Variants in KDM4C observed in about 807,000 individuals in gnomAD.
The protein encoded by KDM4C is lysine-specific demethylase 4C.
In KDM4C, 81 loss-of-function variants were observed where a neutral mutation model predicts 129.3. The observed-to-expected ratio is 0.63, with a 90% CI of 0.52 to 0.75. The LOEUF (loss-of-function observed/expected upper bound fraction) is 0.75, where lower values mean the gene tolerates loss of function less well. Ranked by LOEUF, KDM4C falls within the 30% of genes least tolerant of loss-of-function variation. The probability of loss-of-function intolerance (pLI) is 0.00; values close to 1 mark genes in which losing one functional copy is unlikely to be tolerated. For missense variants in KDM4C, 1,457 were observed against 1,304.0 expected (o/e 1.12, Z -1.81); for synonymous variants, 573 against 456.1 (o/e 1.26, Z -3.26).
chr9:6,893,267 A>G, intron 8 of KDM4C, 35 bp downstream of exon 8: 1 of 1,571,200 alleles, frequency 6.4e-7, no homozygotes. Context: ...CAAAAATTAA[A>G]TGTGTATTCT....
chr9:6,836,274 A>G (rs945369472), intron 4 of KDM4C, among the ~76,000 whole-genome samples: 6 of 152,174 alleles, frequency 3.9e-5, no homozygotes, highest in African/African-American at 1.2e-4. Context: ...CAACACGGTG[A>G]AAGCTCATCT....
intron 9 of KDM4C, among the ~76,000 whole-genome samples, chr9:6,983,763 C>CT (rs1456316476): frequency 7.0e-6 from 1 of 143,884 alleles, no homozygotes; most frequent in Non-Finnish European, 1.5e-5. Context: ...ACTTTTAGCA[C>CT]TAGCCTAACA....
At position 6,869,537 on chromosome 9, in the gene KDM4C, G is replaced by C. The variant is rs567734142; in HGVS notation, c.630-10475G>C. 1.1e-4 allele frequency among the ~76,000 whole-genome samples: 16 copies of C among 152,348 alleles called. 1 individual carries two copies. In the South Asian group the frequency reaches 2.3e-3, roughly 22 times the overall value. On this transcript the variant is annotated intron_variant, in intron 5 of 21. Transcript: ENST00000381309. ...TCCAGGAATAATACTGCTCACAGTG[G>C]GGGAGGCAGAACTGGGCAGAAGGGG...
intron 4 of KDM4C, among the ~76,000 whole-genome samples, chr9:6,826,436 TC>T (rs1833882462): frequency 6.6e-6 from 1 of 152,292 alleles, no homozygotes; most frequent in Non-Finnish European, 1.5e-5. Flanking sequence ...TTCCATTTTT[TC>T]TCTATGAATG....
intron 1 of KDM4C, among the ~76,000 whole-genome samples, chr9:6,722,261 G>T (rs1301626611): frequency 6.6e-6 from 1 of 152,160 alleles, no homozygotes; most frequent in African/African-American, 2.4e-5. Flanking sequence ...CCTAAGCAGT[G>T]AATTGGGAGG....
chr9:7,087,601 A>G (rs1460661172), intron 17 of KDM4C, among the ~76,000 whole-genome samples: 1 of 152,222 alleles, frequency 6.6e-6, no homozygotes, highest in Non-Finnish European at 1.5e-5. Context: ...TACAGTGATA[A>G]CTAAAAGAGT....
At position 6,749,769 on chromosome 9, in the gene KDM4C, C is replaced by A. The variant is rs146294844; in HGVS notation, c.49+28772C>A. On this transcript the variant is annotated intron_variant, in intron 1 of 17. Transcript: ENST00000536108. ...TGGGAGGCTGAGGTGGGAGGATCAC[C>A]TTAGGTCAGGAGTTCGAGGCCAGCC... is the stretch of plus-strand genomic sequence containing the variant. Among the ~76,000 whole-genome samples, 90 of 149,700 alleles carry A rather than the reference C, an allele frequency of 6.0e-4. 2 individuals carry two copies. Among genetic ancestry groups the A allele is most frequent in the Middle Eastern group, 3.6e-3 (1 of 280 alleles).
intron 1 of KDM4C, among the ~76,000 whole-genome samples, chr9:6,732,416 G>A (rs1023800365): frequency 1.5e-5 from 2 of 135,626 alleles, no homozygotes; most frequent in Admixed American, 7.7e-5. Flanking sequence ...GAGGCCGGAA[G>A]TTGTGGCTCA....
intron 15 of KDM4C, among the ~76,000 whole-genome samples, chr9:7,020,604 T>C (rs1824626695): frequency 1.3e-5 from 2 of 152,356 alleles, no homozygotes; most frequent in Middle Eastern, 3.4e-3. Context: ...ACTCTTGATA[T>C]TAGTATCTGT....
At chr9:6,877,168 TG>T (rs1489216323) in intron 5 of KDM4C, among the ~76,000 whole-genome samples, 1 of 152,144 alleles carries the variant, frequency 6.6e-6, no homozygotes, top group Non-Finnish European at 1.5e-5. Context: ...GCCTCTGTAA[TG>T]GTATGGAAAC....
chr9:7,041,243 A>G (rs766299703), intron 15 of KDM4C, among the ~76,000 whole-genome samples: 5 of 151,996 alleles, frequency 3.3e-5, no homozygotes, highest in Non-Finnish European at 7.4e-5. Context: ...AACAATTTAC[A>G]TATCTTTTAC....
At position 6,919,661 on chromosome 9, in the gene KDM4C, C is replaced by T. The variant is rs183153164; in HGVS notation, c.921+26429C>T. Among the ~76,000 whole-genome samples the T allele has an allele frequency of 2.4e-3, 365 of 151,650 alleles. 5 individuals carry two copies. Among genetic ancestry groups the T allele is most frequent in the African/African-American group, 8.6e-3 (357 of 41,276 alleles). ...CGCGATCTTGGCTCCCTGCAATCTC[C>T]GCCTCCCGGGTTCAAGTGATTCTCT... On this transcript the variant is annotated intron_variant, in intron 8 of 21. Coordinates refer to ENST00000381309, the MANE Select transcript of KDM4C (RefSeq NM_015061.6).
intron 8 of KDM4C, among the ~76,000 whole-genome samples, chr9:6,952,631 G>A (rs1402083147): frequency 6.6e-6 from 1 of 151,904 alleles, no homozygotes; most frequent in African/African-American, 2.4e-5. Flanking sequence ...AGTAGAGACG[G>A]GGTTTCACTA....
At chr9:6,748,926 T>C (rs773770534) in intron 1 of KDM4C, 4 of 927,504 alleles carry the variant, frequency 4.3e-6, no homozygotes. Context: ...GAAGATGAGG[T>C]TGATGGGCTG....
rs191069658 is a variant in KDM4C, at chr9:6,949,433, C to T, written c.922-31492C>T. ...GCAGAGACGTTCCTCACTTCCCAGA[C>T]GGGGTGGCGGCTGGGCAGAGGCTGT... is the stretch of plus-strand genomic sequence containing the variant. On this transcript the variant is annotated intron_variant, in intron 8 of 21. Coordinates refer to ENST00000381309, the MANE Select transcript of KDM4C (RefSeq NM_015061.6). 5.8e-3 allele frequency among the ~76,000 whole-genome samples: 888 copies of T among 152,110 alleles called. 7 individuals carry two copies. Among genetic ancestry groups the T allele is most frequent in the African/African-American group, 0.02 (838 of 41,508 alleles).
At chr9:7,115,139 T>C (rs185084708) in intron 18 of KDM4C, among the ~76,000 whole-genome samples, 1 of 152,230 alleles carries the variant, frequency 6.6e-6, no homozygotes, top group East Asian at 1.9e-4. Context: ...CACTTGATAC[T>C]TGACAACTTC....
intron 18 of KDM4C, among the ~76,000 whole-genome samples, chr9:7,118,088 C>A (rs1318383359): frequency 1.3e-5 from 2 of 152,170 alleles, no homozygotes; most frequent in African/African-American, 4.8e-5. Context: ...GGGCCACTAC[C>A]TCCGAGGTGA....
intron 12 of KDM4C, among the ~76,000 whole-genome samples, chr9:7,005,269 C>G (rs1422868103): frequency 2.0e-5 from 3 of 152,056 alleles, no homozygotes; most frequent in African/African-American, 2.4e-5. Flanking sequence ...AACCCCATCT[C>G]TACTAAAAAT....
At chr9:6,844,886 C>G (rs1484399849) in intron 4 of KDM4C, among the ~76,000 whole-genome samples, 1 of 152,082 alleles carries the variant, frequency 6.6e-6, no homozygotes, top group African/African-American at 2.4e-5. Flanking sequence ...TGGGGTTTCA[C>G]CATGTTGGTC....
Sources: allele counts gnomAD v4.1 joint callset (sites outside exome capture counted in the v4.1 genomes callset), GRCh38; gene constraint gnomAD v4.1.1; transcripts MANE v1.5; gene names NCBI Gene and HGNC (gene_info 2026-07-23, HGNC 2026-07-21).